The following CCNY variants were observed in gnomAD, a reference collection of about 807,000 sequenced individuals.
CCNY encodes cyclin-Y.
In CCNY, 19 loss-of-function variants were observed where a neutral mutation model predicts 42.8. The ratio of observed to expected loss-of-function variants is 0.44; its 90% CI spans 0.31 to 0.65. The LOEUF (loss-of-function observed/expected upper bound fraction) is 0.65, where lower values mean the gene tolerates loss of function less well. Ranked by LOEUF, CCNY falls within the 30% of genes least tolerant of loss-of-function variation. The pLI, the probability that CCNY is intolerant of heterozygous loss-of-function variation, is 0.07. For synonymous variants in CCNY, 165 were observed against 162.7 expected (o/e 1.01, Z -0.11); for missense variants, 370 against 437.3 (o/e 0.85, Z 1.37).
At chr10:35,550,631 C>T (rs1366916088) in intron 7 of CCNY, among the ~76,000 whole-genome samples, 1 of 152,126 alleles carries the variant, frequency 6.6e-6, no homozygotes, top group African/African-American at 2.4e-5. Context: ...TTTTCTTGTG[C>T]AAGAGGACAC....
intron 3 of CCNY, among the ~76,000 whole-genome samples, chr10:35,269,392 C>T (rs2095728840): frequency 6.6e-6 from 1 of 152,016 alleles, no homozygotes; most frequent in Non-Finnish European, 1.5e-5. Context: ...TCTTGGCTCA[C>T]TGCAACCTCC....
rs1474518008 is a variant in CCNY, at chr10:35,449,880, A to G, written c.155-33524A>G. ...CAAAAAGGGCCTTTCCAATGATGCT[A>G]TCTCGCACCACTCAGGGCCTACCTG... is the stretch of plus-strand genomic sequence containing the variant. On this transcript the variant is annotated intron_variant, in intron 1 of 9. Coordinates refer to ENST00000374704, the MANE Select transcript of CCNY (RefSeq NM_145012.6). 1.1e-5 allele frequency: 9 copies of G among 815,640 alleles called. No homozygotes were observed. The East Asian group carries it at 7.5e-4, about 68-fold the overall frequency. The allele number at this position is 815,640 out of a possible 1,614,324, so 50.5% of individuals were successfully genotyped here.
chr10:35,530,183 G>T lies in CCNY; in HGVS notation c.519G>T (p.Arg173=). ...KHNPEQKQIY[R]FVRTLFSAAQ... is the part of the protein sequence containing the mutation. ...ACCCAGAGCAGAAGCAGATTTACCGGTTCGTTCGGACACTGTTCAGTGCTG... is the reference window on the plus strand; with the variant it reads ...ACCCAGAGCAGAAGCAGATTTACCGTTTCGTTCGGACACTGTTCAGTGCTG... The change falls in exon 7 of 10, where the codon CGG becomes CGT. Residue 173 remains arginine, a synonymous_variant. Coordinates refer to ENST00000374704, the MANE Select transcript of CCNY (RefSeq NM_145012.6). The surrounding 1 kb of genome is among the most constrained non-coding windows in gnomAD (Gnocchi z 4.3). 1.9e-6 allele frequency: 3 copies of T among 1,614,234 alleles called. No individual in the cohort carries two copies. Among genetic ancestry groups the T allele is most frequent in the South Asian group, 1.1e-5 (1 of 91,088 alleles).
chr10:35,398,016 G>GT (rs1564395844), intron 1 of CCNY, among the ~76,000 whole-genome samples: 2 of 152,206 alleles, frequency 1.3e-5, no homozygotes, highest in African/African-American at 4.8e-5. Flanking sequence ...TCTCTGAGCA[G>GT]TGCTGGAGGA....
chr10:35,436,819 G>A (rs1589120707), intron 1 of CCNY, among the ~76,000 whole-genome samples: 1 of 152,012 alleles, frequency 6.6e-6, no homozygotes, highest in African/African-American at 2.4e-5. Flanking sequence ...TGGTTTACAG[G>A]TTCATGATCT....
chr10:35,339,350 G>C (rs539053555), intron 1 of CCNY, among the ~76,000 whole-genome samples: 120 of 152,190 alleles, frequency 7.9e-4, no homozygotes, highest in Middle Eastern at 3.4e-3. Flanking sequence ...GTTACCTGCC[G>C]TTCAGGGACA....
chr10:35,293,327 G>A (rs145268056), intron 3 of CCNY, among the ~76,000 whole-genome samples: 124 of 152,238 alleles, frequency 8.1e-4, no homozygotes, highest in Middle Eastern at 3.4e-3. Flanking sequence ...GGACAGTAAG[G>A]TTCATTATGC....
At chr10:35,431,631 TTGAC>T (rs1346613126) in intron 1 of CCNY, among the ~76,000 whole-genome samples, 1 of 151,954 alleles carries the variant, frequency 6.6e-6, no homozygotes, top group Non-Finnish European at 1.5e-5. Flanking sequence ...TTCGTTTTCA[TTGAC>T]TGAACTGTCA....
chr10:35,454,799 G>A (rs1838994293), intron 1 of CCNY, among the ~76,000 whole-genome samples: 7 of 152,196 alleles, frequency 4.6e-5, no homozygotes, highest in Admixed American at 3.9e-4. Flanking sequence ...TTCTGCCAGG[G>A]TAAGAGGAAG....
intron 3 of CCNY, among the ~76,000 whole-genome samples, chr10:35,273,355 C>A (rs1283698905): frequency 6.6e-6 from 1 of 152,060 alleles, no homozygotes; most frequent in African/African-American, 2.4e-5. Context: ...GCGTGCACCA[C>A]CATGCCCGGC....
At chr10:35,343,665 T>C (rs2474517) in intron 1 of CCNY, among the ~76,000 whole-genome samples, 94,922 of 152,080 alleles carry the variant, frequency 0.62, 32,406 homozygotes, top group African/African-American at 0.9. Flanking sequence ...GCTGGGATTA[T>C]AGGTGTGAGC....
chr10:35,411,515 A>G (rs1405550887), intron 1 of CCNY, among the ~76,000 whole-genome samples: 2 of 148,894 alleles, frequency 1.3e-5, no homozygotes, highest in African/African-American at 5.0e-5. Context: ...ACTCTGTCAA[A>G]AAAAAAAAAA....
At chr10:35,312,304 C>T (rs1411754732) in intron 3 of CCNY, among the ~76,000 whole-genome samples, 1 of 146,898 alleles carries the variant, frequency 6.8e-6, no homozygotes, top group African/African-American at 2.5e-5. Flanking sequence ...TCGCTTGAGC[C>T]CAGGAGGCGG....
intron 3 of CCNY, among the ~76,000 whole-genome samples, chr10:35,510,678 C>T (rs1021509861): frequency 6.6e-6 from 1 of 152,146 alleles, no homozygotes; most frequent in Non-Finnish European, 1.5e-5. Context: ...AGGTGTTATT[C>T]TTCACAGCAC....
At chr10:35,299,477 A>AT (rs752567585) in intron 3 of CCNY, among the ~76,000 whole-genome samples, 9 of 152,058 alleles carry the variant, frequency 5.9e-5, no homozygotes, top group Non-Finnish European at 8.8e-5. Context: ...TAGGAATGTT[A>AT]TTTTTTCTTA....
chr10:35,491,243 C>T (rs1839888489), intron 2 of CCNY, among the ~76,000 whole-genome samples: 1 of 152,214 alleles, frequency 6.6e-6, no homozygotes, highest in African/African-American at 2.4e-5. Context: ...TTTATAGTCA[C>T]ATAATCTCTT....
chr10:35,533,026 C>CTGCTTCTCTCACCTTT (rs1391124161), intron 7 of CCNY, among the ~76,000 whole-genome samples: 6 of 152,214 alleles, frequency 3.9e-5, no homozygotes, highest in African/African-American at 1.4e-4. Flanking sequence ...TTCCTTTGGG[C>CTGCTTCTCTCACCTTT]TGCTTCTCTC....
chr10:35,355,613 G>A (rs1290723431), intron 1 of CCNY, among the ~76,000 whole-genome samples: 1 of 137,798 alleles, frequency 7.3e-6, no homozygotes, highest in African/African-American at 2.7e-5. Flanking sequence ...AGTAGGCAGA[G>A]GTTGCAGTGA....
At chr10:35,544,729 A>C (rs1244575998) in intron 7 of CCNY, among the ~76,000 whole-genome samples, 3 of 152,236 alleles carry the variant, frequency 2.0e-5, no homozygotes, top group Non-Finnish European at 4.4e-5. Context: ...CCTTGTGTGC[A>C]TAGTGAGCTG....
Sources: allele counts gnomAD v4.1 joint callset (sites outside exome capture counted in the v4.1 genomes callset), GRCh38; gene constraint gnomAD v4.1.1; non-coding constraint Gnocchi (gnomAD v3.1); transcripts MANE v1.5; gene names NCBI Gene and HGNC (gene_info 2026-07-23, HGNC 2026-07-21).